PDE4B: variants seen among roughly 807,000 people sequenced by gnomAD.
PDE4B encodes the protein 3',5'-cyclic-AMP phosphodiesterase 4B.
PDE4B carries 20 observed loss-of-function variants against 82.2 expected under a neutral mutation model. That is an observed-to-expected ratio of 0.24 (90% confidence interval 0.17 to 0.35). PDE4B has a LOEUF of 0.35. Among genes scored for constraint, PDE4B ranks in the 10% least tolerant of loss-of-function variants. The pLI is 1.00. For synonymous variants in PDE4B, 320 were observed against 318.9 expected, an observed-to-expected ratio of 1.00 and a Z score of -0.04; for missense variants, 655 against 907.2, an observed-to-expected ratio of 0.72 and a Z score of 3.57.
At chr1:66,257,947 T>A in intron 6 of PDE4B, 84 bp downstream of exon 6, 1 of 908,606 alleles carries the variant, frequency 1.1e-6, no homozygotes, top group Non-Finnish European at 1.8e-6. Flanking sequence ...ATACAACTAT[T>A]ACATGGAAAA....
chr1:66,063,714 A>AT (rs927404607), intron 3 of PDE4B, among the ~76,000 whole-genome samples: 3 of 151,894 alleles, frequency 2.0e-5, no homozygotes, highest in African/African-American at 7.2e-5. Flanking sequence ...GAATAGAGCA[A>AT]TTTTTTTAAT....
At chr1:65,960,000 G>A (rs964394043) in intron 3 of PDE4B, among the ~76,000 whole-genome samples, 1 of 152,048 alleles carries the variant, frequency 6.6e-6, no homozygotes, top group Non-Finnish European at 1.5e-5. Context: ...CATGAGCCAC[G>A]TGCCTGGCTC....
At chr1:65,883,189 G>A (rs886757898) in intron 1 of PDE4B, among the ~76,000 whole-genome samples, 1 of 152,106 alleles carries the variant, frequency 6.6e-6, no homozygotes, top group Non-Finnish European at 1.5e-5. Flanking sequence ...CCAATTCTGT[G>A]AAGAAAGTCA....
chr1:66,368,420 T>C (rs552665337), intron 15 of PDE4B, among the ~76,000 whole-genome samples: 5 of 152,396 alleles, frequency 3.3e-5, no homozygotes, highest in Admixed American at 2.6e-4. Context: ...TGCCATCAGC[T>C]GTTCTCCTCT....
intron 1 of PDE4B, among the ~76,000 whole-genome samples, chr1:65,808,472 A>T (rs995414437): frequency 1.3e-5 from 2 of 152,174 alleles, no homozygotes; most frequent in African/African-American, 4.8e-5. Context: ...CCTCAGCTGG[A>T]AGAGCATAAA....
chr1:65,832,791 G>T (rs1557769507), intron 1 of PDE4B, among the ~76,000 whole-genome samples: 1 of 152,166 alleles, frequency 6.6e-6, no homozygotes, highest in African/African-American at 2.4e-5. Context: ...TGAGGGTCGT[G>T]AGCATCAGAG....
intron 3 of PDE4B, among the ~76,000 whole-genome samples, chr1:65,934,730 A>G (rs1557442786): frequency 1.3e-5 from 2 of 152,228 alleles, no homozygotes; most frequent in African/African-American, 4.8e-5. Context: ...GGCTATACTT[A>G]TATCAGACAA....
At chr1:66,079,166 TTCTCTC>T (rs148765561) in intron 3 of PDE4B, among the ~76,000 whole-genome samples, 33,276 of 142,250 alleles carry the variant, frequency 0.23, 4,231 homozygotes, top group Middle Eastern at 0.37. Flanking sequence ...CCTGCTTCTT[TTCTCTC>T]TCTCTCTCTC....
intron 3 of PDE4B, among the ~76,000 whole-genome samples, chr1:66,029,211 C>T (rs1227599426): frequency 1.1e-4 from 16 of 152,176 alleles, no homozygotes; most frequent in Admixed American, 1.0e-3. Flanking sequence ...GAAGCAAAAG[C>T]AGAAACCCTT....
At chr1:65,839,570 TC>T (rs1347857757) in intron 1 of PDE4B, among the ~76,000 whole-genome samples, 1 of 152,186 alleles carries the variant, frequency 6.6e-6, no homozygotes, top group East Asian at 1.9e-4. Flanking sequence ...GTTTCCAGTT[TC>T]ATCCGTGTCC....
At chr1:65,886,204 C>T (rs1247954203) in intron 1 of PDE4B, among the ~76,000 whole-genome samples, 1 of 151,460 alleles carries the variant, frequency 6.6e-6, no homozygotes, top group Non-Finnish European at 1.5e-5. Flanking sequence ...GCTTTGTAAA[C>T]TAGAAAATAT....
chr1:66,169,500 G>A (rs775664331), intron 3 of PDE4B, among the ~76,000 whole-genome samples: 15 of 152,212 alleles, frequency 9.9e-5, no homozygotes, highest in East Asian at 3.9e-4. Context: ...CAGGGTTTTC[G>A]CCTTTGTTGT....
At chr1:66,336,577 T>G (rs1286360309) in intron 8 of PDE4B, among the ~76,000 whole-genome samples, 1 of 152,228 alleles carries the variant, frequency 6.6e-6, no homozygotes, top group African/African-American at 2.4e-5. Context: ...CTGTTTTATA[T>G]GCAGAACAAA....
chr1:66,245,662 A>C (rs1323903395), intron 3 of PDE4B, among the ~76,000 whole-genome samples: 2 of 152,258 alleles, frequency 1.3e-5, no homozygotes, highest in African/African-American at 2.4e-5. Flanking sequence ...GTCTGCCTGC[A>C]GTCTTTGAAA....
intron 1 of PDE4B, among the ~76,000 whole-genome samples, chr1:65,889,084 G>A (rs1646824487): frequency 1.3e-5 from 2 of 151,964 alleles, no homozygotes; most frequent in Admixed American, 1.3e-4. Context: ...GTGGTATATG[G>A]CCCTCATTTT....
At chr1:65,954,452 A>G (rs778954210) in intron 3 of PDE4B, among the ~76,000 whole-genome samples, 1 of 152,126 alleles carries the variant, frequency 6.6e-6, no homozygotes, top group Non-Finnish European at 1.5e-5. Context: ...TAGATTATTA[A>G]GTTATATATC....
intron 3 of PDE4B, among the ~76,000 whole-genome samples, chr1:65,966,839 G>C (rs1029478387): frequency 2.0e-5 from 3 of 152,170 alleles, no homozygotes; most frequent in African/African-American, 7.2e-5. Flanking sequence ...GCCATATGGA[G>C]AAAGCTGAAA....
intron 3 of PDE4B, among the ~76,000 whole-genome samples, chr1:65,929,373 A>G (rs1647701718): frequency 6.6e-6 from 1 of 152,220 alleles, no homozygotes; most frequent in African/African-American, 2.4e-5. Flanking sequence ...CAGTATCCCC[A>G]GCTTCATCAG....
chr1:66,154,190 C>T (rs1455007541), intron 3 of PDE4B, among the ~76,000 whole-genome samples: 2 of 152,174 alleles, frequency 1.3e-5, no homozygotes, highest in Non-Finnish European at 2.9e-5. Flanking sequence ...GTTTTATCCT[C>T]TAATTCTTAT....
Sources: gnomAD v4.1 joint callset for allele counts (sites outside exome capture counted in the v4.1 genomes callset) on GRCh38, gnomAD v4.1.1 for gene constraint, MANE v1.5 for transcripts, NCBI Gene and HGNC (gene_info 2026-07-23, HGNC 2026-07-21) for gene names.